PHKA1: variants seen among roughly 807,000 people sequenced by gnomAD.
PHKA1 encodes phosphorylase b kinase regulatory subunit alpha, skeletal muscle isoform.
A neutral mutation model predicts 110.2 loss-of-function variants in PHKA1; 60 were observed. The observed-to-expected ratio is 0.54, with a 90% CI of 0.44 to 0.68. The LOEUF (loss-of-function observed/expected upper bound fraction) is 0.68. PHKA1 is among the 30% of genes least tolerant of loss of function. The pLI, the probability that PHKA1 is intolerant of heterozygous loss-of-function variation, is 0.00. For synonymous variants in PHKA1, 316 were observed against 333.6 expected (o/e 0.95, Z 0.58); for missense variants, 801 against 942.5 (o/e 0.85, Z 1.97).
At chrX:72,663,991 A>G (rs2053590479) in intron 8 of PHKA1, among the ~76,000 whole-genome samples, 1 of 111,410 alleles carries the variant, frequency 9.0e-6, no homozygotes, top group Non-Finnish European at 1.9e-5. Context: ...GAAAACCACC[A>G]AACTGTAAAG....
chrX:72,642,035 A>C (rs1364223232), intron 14 of PHKA1, among the ~76,000 whole-genome samples: 1 of 112,301 alleles, frequency 8.9e-6, no homozygotes, highest in African/African-American at 3.2e-5. Flanking sequence ...ATGCTTATCA[A>C]TGAATGAATG....
At chrX:72,685,330 C>T (rs2053955514) in intron 4 of PHKA1, among the ~76,000 whole-genome samples, 1 of 111,145 alleles carries the variant, frequency 9.0e-6, no homozygotes, top group Non-Finnish European at 1.9e-5. Context: ...CTCTTTATAT[C>T]TCCCCCCTCA....
intron 14 of PHKA1, among the ~76,000 whole-genome samples, chrX:72,642,802 A>T (rs1406301696): frequency 9.0e-6 from 1 of 111,561 alleles, no homozygotes; most frequent in East Asian, 2.8e-4. Flanking sequence ...ATTTATTAGG[A>T]TCTGAGACAT....
intron 18 of PHKA1, among the ~76,000 whole-genome samples, 173 bp from the exon 19 acceptor site, chrX:72,621,074 C>T (rs941302057): frequency 8.9e-6 from 1 of 111,951 alleles, no homozygotes; most frequent in African/African-American, 3.2e-5. Flanking sequence ...AACCTCATCA[C>T]TTTAAGATCC....
intron 14 of PHKA1, among the ~76,000 whole-genome samples, chrX:72,643,352 C>A (rs1346613717): frequency 9.0e-6 from 1 of 111,669 alleles, no homozygotes; most frequent in Admixed American, 9.5e-5. Flanking sequence ...CAAATCTACT[C>A]CCTTGTGGTT....
At chrX:72,597,676 C>T (rs2052608691) in intron 28 of PHKA1, among the ~76,000 whole-genome samples, 1 of 111,870 alleles carries the variant, frequency 8.9e-6, no homozygotes, top group Non-Finnish European at 1.9e-5. Flanking sequence ...ACAAACAATC[C>T]AATTATACTT....
At chrX:72,680,655 C>G (rs868939533) in intron 5 of PHKA1, among the ~76,000 whole-genome samples, 5 of 108,208 alleles carry the variant, frequency 4.6e-5, no homozygotes, top group Non-Finnish European at 7.6e-5. Flanking sequence ...CGCTGCGGCC[C>G]GGGGCAGTGC....
At chrX:72,626,892 G>C (rs1176577433) in intron 17 of PHKA1, 79 bp downstream of exon 17, 10 of 747,380 alleles carry the variant, frequency 1.3e-5, no homozygotes, top group African/African-American at 2.1e-5. Flanking sequence ...ACACAGAAAG[G>C]CATCACAGGT....
rs782797092 is a variant in PHKA1 at position 72,695,668 on chromosome X, C to T, written c.454+40G>A. 3 of 1,185,658 alleles carry T rather than the reference C, an allele frequency of 2.5e-6. 1 individual carries two copies. In the South Asian group the frequency reaches 5.3e-5, roughly 21 times the overall value. On this transcript the variant is annotated intron_variant, in intron 4 of 31. Transcript: ENST00000373542. ...GAATATTAATTAGTACCCCAGACTC[C>T]ATGCTCAGGGGCTCCCAGCACTTCT... is the stretch of plus-strand genomic sequence containing the variant.
intron 16 of PHKA1, among the ~76,000 whole-genome samples, chrX:72,627,966 C>T (rs1348707012): frequency 2.8e-5 from 3 of 108,526 alleles, no homozygotes; most frequent in Non-Finnish European, 3.8e-5. Flanking sequence ...TACAGGCGCC[C>T]GCCACCACGC....
intron 25 of PHKA1, 125 bp downstream of exon 25, chrX:72,605,146 G>C (rs2052710092): frequency 3.3e-6 from 2 of 602,033 alleles, no homozygotes; most frequent in Admixed American, 5.2e-5. Flanking sequence ...AGGGGAACAA[G>C]GTTGCCATAT....
chrX:72,629,396 T>C (rs972292455), intron 16 of PHKA1, among the ~76,000 whole-genome samples: 4 of 111,967 alleles, frequency 3.6e-5, no homozygotes, highest in Non-Finnish European at 7.5e-5. Context: ...AAAATTGTAG[T>C]TGGTATTCTT....
rs374639781 is a variant in PHKA1, at chrX:72,618,869, G to A, written c.2230-20C>T. Reference sequence around the variant, plus strand: ...GGGAACCTTTAGTTTGAGAAATGATGACAAGAAATTAAGTTCACAAGTGCT... The same window carrying A: ...GGGAACCTTTAGTTTGAGAAATGATAACAAGAAATTAAGTTCACAAGTGCT... On this transcript the variant is annotated intron_variant, in intron 20 of 31. Coordinates refer to ENST00000373542, the MANE Select transcript of PHKA1 (RefSeq NM_002637.4). The A allele has an allele frequency of 9.3e-6, 11 of 1,187,305 alleles. No homozygotes were observed. The African/African-American group carries it at 1.2e-4, about 13-fold the overall frequency.
At chrX:72,619,394 G>A in intron 19 of PHKA1, 89 bp from the exon 20 acceptor site, 1 of 562,793 alleles carries the variant, frequency 1.8e-6, no homozygotes, top group East Asian at 3.6e-5. Flanking sequence ...AGTCACATGT[G>A]AGTCAGTTCT....
Position 72,624,704 on chromosome X carries a change from T to C in PHKA1, c.1794-1429A>G, listed in dbSNP as rs781815411. Among the ~76,000 whole-genome samples, 3 of 111,489 alleles carry C rather than the reference T, an allele frequency of 2.7e-5. No individual in the cohort carries two copies. The South Asian group carries it at 1.1e-3, about 43-fold the overall frequency. ...CAGGACCTGTAAGTAATAAAATCTT[T>C]ATTTCCATCTTGTGCCTCTCCTAAC... On this transcript the variant is annotated intron_variant, in intron 17 of 31. Coordinates refer to ENST00000373542, the MANE Select transcript of PHKA1 (RefSeq NM_002637.4).
At chrX:72,671,012 T>C (rs1342950731) in intron 6 of PHKA1, among the ~76,000 whole-genome samples, 3 of 111,712 alleles carry the variant, frequency 2.7e-5, no homozygotes, top group Admixed American at 9.5e-5. Flanking sequence ...AGCATTCCCT[T>C]TGAAAACTGG....
intron 6 of PHKA1, among the ~76,000 whole-genome samples, chrX:72,671,119 T>G (rs1350712572): frequency 1.8e-5 from 2 of 110,973 alleles, no homozygotes; most frequent in African/African-American, 6.6e-5. Context: ...TAAAGGGTAT[T>G]CAATTAGGAA....
chrX:72,695,978 C>T (rs2054103891), intron 3 of PHKA1, 102 bp from the exon 4 acceptor site: 1 of 674,442 alleles, frequency 1.5e-6, no homozygotes, highest in Non-Finnish European at 2.4e-6. Flanking sequence ...TGTGAAGATA[C>T]ACTATCTTCA....
Position 72,619,474 on chromosome X carries a change from A to G in PHKA1, c.2138-169T>C, listed in dbSNP as rs1330002917. 2.7e-5 allele frequency among the ~76,000 whole-genome samples: 3 copies of G among 112,164 alleles called. No homozygotes were observed. The Admixed American group carries it at 2.8e-4, about 11-fold the overall frequency. ...AAGAAAATAAATATGAATATAAGAT[A>G]ATTTAAATAATGTGCAATTAATAAG... On this transcript the variant is annotated intron_variant, in intron 19 of 31. Transcript: ENST00000373542.
Sources: allele counts gnomAD v4.1 joint callset (sites outside exome capture counted in the v4.1 genomes callset), GRCh38; gene constraint gnomAD v4.1.1; transcripts MANE v1.5; gene names NCBI Gene and HGNC (gene_info 2026-07-23, HGNC 2026-07-21).